The following CLK4 variants were observed in gnomAD, a reference collection of about 807,000 sequenced individuals.
The protein encoded by CLK4 is CDC like kinase 4, also known as dual specificity protein kinase CLK4.
CLK4 carries 37 observed loss-of-function variants against 64.4 expected under a neutral mutation model. The observed-to-expected ratio is 0.57, with a 90% CI of 0.44 to 0.76. The LOEUF (loss-of-function observed/expected upper bound fraction) is 0.76, where lower values mean the gene tolerates loss of function less well. Among genes scored for constraint, CLK4 ranks in the 30% least tolerant of loss-of-function variants. The pLI is 0.00. For missense variants in CLK4, 457 were observed against 605.1 expected, an observed-to-expected ratio of 0.76 and a Z score of 2.57; for synonymous variants, 175 against 191.6, an observed-to-expected ratio of 0.91 and a Z score of 0.72.
chr5:178,616,831 C>T (rs112224905), intron 5 of CLK4, 51 bp downstream of exon 5: 48 of 1,274,898 alleles, frequency 3.8e-5, no homozygotes, highest in Middle Eastern at 3.7e-4. Context: ...AATTATGAAT[C>T]TTTCCCCACC....
chr5:178,621,146 A>C (rs1324736011), intron 2 of CLK4, among the ~76,000 whole-genome samples: 1 of 152,198 alleles, frequency 6.6e-6, no homozygotes, highest in Non-Finnish European at 1.5e-5. Flanking sequence ...TATTTCTCAA[A>C]GGACGGTCTA....
chr5:178,608,485 T>C (rs527244824), intron 9 of CLK4, 27 bp from the exon 10 acceptor site: 2 of 1,564,598 alleles, frequency 1.3e-6, no homozygotes, highest in Non-Finnish European at 1.7e-6. Context: ...AGAAACATTT[T>C]ACTATGCAAA....
intron 2 of CLK4, among the ~76,000 whole-genome samples, chr5:178,621,085 T>C (rs569938385): frequency 6.6e-6 from 1 of 152,274 alleles, no homozygotes; most frequent in East Asian, 1.9e-4. Context: ...GACAAATAAG[T>C]AAGCTGAGAA....
At chr5:178,606,709 TC>T (rs1414629862) in intron 10 of CLK4, among the ~76,000 whole-genome samples, 1 of 152,172 alleles carries the variant, frequency 6.6e-6, no homozygotes, top group Non-Finnish European at 1.5e-5. Context: ...ACACCTGTAA[TC>T]CCAGCACTTT....
At chr5:178,615,811 A>G (rs939117808) in intron 5 of CLK4, among the ~76,000 whole-genome samples, 1 of 152,224 alleles carries the variant, frequency 6.6e-6, no homozygotes, top group African/African-American at 2.4e-5. Context: ...CAAGCCACAA[A>G]ATAGAGGTCC....
intron 7 of CLK4, 113 bp from the exon 8 acceptor site, chr5:178,613,003 T>A: frequency 1.9e-6 from 1 of 530,238 alleles, no homozygotes; most frequent in South Asian, 3.4e-5. Context: ...CATCTTTACT[T>A]GTAAAATGTC....
At chr5:178,609,731 T>TAA (rs1331521337) in intron 9 of CLK4, among the ~76,000 whole-genome samples, 2 of 98,468 alleles carry the variant, frequency 2.0e-5, no homozygotes, top group African/African-American at 4.7e-5. Flanking sequence ...ATAAAAATTT[T>TAA]AAAATATATA....
At chr5:178,622,449 C>G (rs748257389) in intron 2 of CLK4, 62 of 985,502 alleles carry the variant, frequency 6.3e-5, no homozygotes, top group Non-Finnish European at 7.1e-5. Flanking sequence ...TAAACAGTCC[C>G]AATGGAACAT....
intron 7 of CLK4, among the ~76,000 whole-genome samples, 160 bp from the exon 8 acceptor site, chr5:178,613,050 T>A (rs901138236): frequency 6.6e-6 from 1 of 152,208 alleles, no homozygotes; most frequent in South Asian, 2.1e-4. Context: ...ATATAGCTTG[T>A]ATAATAAAAA....
chr5:178,618,672 G>C lies in CLK4; in HGVS notation c.268C>G (p.His90Asp). 1 of 1,613,858 alleles carries C rather than the reference G, an allele frequency of 6.2e-7. No homozygotes were observed. The highest frequency in any genetic ancestry group is 1.7e-4 in the Middle Eastern group (1 of 6,060). Reference sequence around the variant, plus strand: ...CGATACCCGCTTTCAATGTCTCTGTGATAATGTCTAGGAACATATCCTTCA... The same window carrying C: ...CGATACCCGCTTTCAATGTCTCTGTCATAATGTCTAGGAACATATCCTTCA... ...YCEGYVPRHY[H>D]RDIESGYRIH... Residue 90 changes from histidine to aspartate, a missense_variant, in exon 3 of 13, where the codon CAC becomes GAC. His to Asp is a moderately conservative substitution (Grantham distance 81, BLOSUM62 -1). Coordinates refer to ENST00000316308, the MANE Select transcript of CLK4 (RefSeq NM_020666.3).
chr5:178,620,322 C>T (rs1764691986), intron 2 of CLK4: 1 of 240,176 alleles, frequency 4.2e-6, no homozygotes, highest in South Asian at 5.1e-5. Flanking sequence ...AGTCCAAAAT[C>T]CTTCTATTAG....
intron 1 of CLK4, among the ~76,000 whole-genome samples, chr5:178,625,422 C>CAAAAA (rs58734641): frequency 1.6e-5 from 2 of 121,546 alleles, no homozygotes; most frequent in Non-Finnish European, 3.4e-5. Context: ...GACCCTGTCT[C>CAAAAA]AAAAAAAAAA....
chr5:178,616,084 CTTTT>C (rs998737320), intron 5 of CLK4, among the ~76,000 whole-genome samples: 1 of 151,566 alleles, frequency 6.6e-6, no homozygotes, highest in African/African-American at 2.4e-5. Context: ...TGTCATCATT[CTTTT>C]TTTTTATTTT....
rs181456729 is a variant in CLK4 at position 178,605,440 on chromosome 5, C to T, written c.1135-58G>A. 933 of 1,000,918 alleles carry T rather than the reference C, an allele frequency of 9.3e-4. 14 individuals are homozygous for T. The Admixed American group carries it at 0.024, about 25-fold the overall frequency. 62.0% of individuals were successfully genotyped at this position (1,000,918 alleles called of 1,614,324 possible). A position where few individuals can be genotyped will look rare whatever the true frequency, so the allele number is the denominator to read the frequency against. The stretch of plus-strand genomic sequence containing the variant: ...CTCCATTTCCCTACAAACACATTAA[C>T]TTGTTTAATCTAAAATTTTAGTTTC... On this transcript the variant is annotated intron_variant, in intron 10 of 12. Coordinates refer to ENST00000316308, the MANE Select transcript of CLK4 (RefSeq NM_020666.3).
At position 178,617,244 on chromosome 5, in the gene CLK4, A is replaced by G; in HGVS notation, c.475+100T>C. 1 of 900,588 alleles carries G rather than the reference A, an allele frequency of 1.1e-6. No homozygotes were observed. Among genetic ancestry groups the G allele is most frequent in the Non-Finnish European group, 1.8e-6 (1 of 566,228 alleles). 55.8% of individuals were successfully genotyped at this position (900,588 alleles called of 1,614,324 possible). A position where few individuals can be genotyped will look rare whatever the true frequency, so the allele number is the denominator to read the frequency against. On this transcript the variant is annotated intron_variant, in intron 4 of 12. Coordinates refer to ENST00000316308, the MANE Select transcript of CLK4 (RefSeq NM_020666.3). The surrounding 1 kb of genome is among the most constrained non-coding windows in gnomAD (Gnocchi z 5.2). ...AAACAAACCCACAAAAAGCAAAATA[A>G]AAAAGCAATGAAGAGTTCTTTAGCC...
At chr5:178,624,656 G>GT (rs2113816944) in intron 1 of CLK4, among the ~76,000 whole-genome samples, 1 of 152,240 alleles carries the variant, frequency 6.6e-6, no homozygotes, top group South Asian at 2.1e-4. Context: ...CCTAAACAGG[G>GT]TGAGTTTAAA....
chr5:178,617,117 T>A lies in CLK4; in HGVS notation c.476-169A>T. On this transcript the variant is annotated intron_variant, in intron 4 of 12. Transcript: ENST00000316308. The surrounding 1 kb of genome is among the most constrained non-coding windows in gnomAD (Gnocchi z 5.2). ...TTCAGCTGCTACAAAAACAATTAGA[T>A]AGAGCTATCTTTCTTGCTCTAATCT... is the stretch of plus-strand genomic sequence containing the variant. The A allele has an allele frequency of 1.6e-6, 1 of 645,062 alleles. No homozygotes were observed. The highest frequency in any genetic ancestry group is 2.7e-6 in the Non-Finnish European group (1 of 365,342). The allele number at this position is 645,062 out of a possible 1,614,324, so 40.0% of individuals were successfully genotyped here.
rs953157122 is a variant in CLK4 at position 178,618,667 on chromosome 5, T to C, written c.273A>G (p.Arg91=). 1 of 1,613,940 alleles carries C rather than the reference T, an allele frequency of 6.2e-7. No individual in the cohort carries two copies. Among genetic ancestry groups the C allele is most frequent in the African/African-American group, 1.3e-5 (1 of 74,930 alleles). ...GGATTCGATACCCGCTTTCAATGTCTCTGTGATAATGTCTAGGAACATATC... is the reference window on the plus strand; with the variant it reads ...GGATTCGATACCCGCTTTCAATGTCCCTGTGATAATGTCTAGGAACATATC... ...CEGYVPRHYH[R]DIESGYRIHC... is the part of the protein sequence containing the mutation. The change falls in exon 3 of 13, where the codon AGA becomes AGG. Residue 91 remains arginine (R), a synonymous_variant. Transcript: ENST00000316308.
intron 10 of CLK4, among the ~76,000 whole-genome samples, chr5:178,606,830 C>T (rs1053376614): frequency 5.3e-5 from 8 of 151,804 alleles, no homozygotes; most frequent in East Asian, 1.9e-4. Context: ...TGTAGTGGCT[C>T]GTGCCTGTAA....
Sources: allele counts gnomAD v4.1 joint callset (sites outside exome capture counted in the v4.1 genomes callset), GRCh38; gene constraint gnomAD v4.1.1; non-coding constraint Gnocchi (gnomAD v3.1); transcripts MANE v1.5; gene names NCBI Gene and HGNC (gene_info 2026-07-23, HGNC 2026-07-21).